The following VAC14 variants were observed in gnomAD, a reference collection of about 807,000 sequenced individuals.
VAC14 encodes the protein VAC14 component of PIKFYVE complex.
Under a neutral mutation model 85.3 loss-of-function variants are expected in VAC14, and 47 were observed. That is an observed-to-expected ratio of 0.55 (90% CI 0.44 to 0.70). The LOEUF is 0.70. VAC14 is among the 30% of genes least tolerant of loss of function. The pLI is 0.00. For synonymous variants in VAC14, 447 were observed against 430.5 expected, an observed-to-expected ratio of 1.04 and a Z score of -0.47; for missense variants, 861 against 1,004.3, an observed-to-expected ratio of 0.86 and a Z score of 1.93.
intron 16 of VAC14, among the ~76,000 whole-genome samples, chr16:70,696,336 G>C (rs571151960): frequency 6.6e-6 from 1 of 152,098 alleles, no homozygotes; most frequent in African/African-American, 2.4e-5. Flanking sequence ...AACATGGTGA[G>C]ACCCTGTCTC....
At chr16:70,766,728 GA>G (rs2032844845) in intron 10 of VAC14, among the ~76,000 whole-genome samples, 6 of 152,166 alleles carry the variant, frequency 3.9e-5, no homozygotes, top group Admixed American at 3.9e-4. Flanking sequence ...GAAGCAGGTG[GA>G]CCCTAGAGGA....
At chr16:70,779,572 G>A (rs1267469361) in intron 9 of VAC14, among the ~76,000 whole-genome samples, 1 of 152,154 alleles carries the variant, frequency 6.6e-6, no homozygotes, top group African/African-American at 2.4e-5. Context: ...GGAGCACAAG[G>A]ACTTTGTCTG....
chr16:70,786,002 CT>C, intron 2 of VAC14, 133 bp from the exon 3 acceptor site: 1 of 1,328,294 alleles, frequency 7.5e-7, no homozygotes, highest in Non-Finnish European at 1.0e-6. Flanking sequence ...CTCAAAGACC[CT>C]TCCCAAGCCT....
In VAC14 at chr16:70,744,594, G is replaced by A. The variant is rs750238198; in HGVS notation, c.1372-15C>T. 18 of 1,573,506 alleles carry A rather than the reference G, an allele frequency of 1.1e-5. No homozygotes were observed. The highest frequency in any genetic ancestry group is 5.4e-5 in the African/African-American group (4 of 73,788). On this transcript the variant is annotated splice_polypyrimidine_tract_variant and intron_variant, in intron 12 of 18. Coordinates refer to ENST00000261776, the MANE Select transcript of VAC14 (RefSeq NM_018052.5). The stretch of plus-strand genomic sequence containing the variant: ...TTCAGGATCACCTGGGGAGAGAAGC[G>A]GGGCAGGAGGGATGAGCTCTCCGCT...
intron 17 of VAC14, among the ~76,000 whole-genome samples, chr16:70,693,809 G>A (rs1446253259): frequency 6.6e-6 from 1 of 152,198 alleles, no homozygotes; most frequent in African/African-American, 2.4e-5. Flanking sequence ...GTTTGTGGAG[G>A]ATATGCCATG....
intron 14 of VAC14, 53 bp from the exon 15 acceptor site, chr16:70,698,864 T>G: frequency 6.3e-7 from 1 of 1,591,352 alleles, no homozygotes; most frequent in South Asian, 1.1e-5. Context: ...GAAGGCTCTG[T>G]GTCTCAGCCT....
chr16:70,706,596 C>G (rs1406380265), intron 14 of VAC14, among the ~76,000 whole-genome samples: 1 of 152,252 alleles, frequency 6.6e-6, no homozygotes, highest in African/African-American at 2.4e-5. Context: ...ACTGCAACCT[C>G]TGCCTCCCGG....
intron 14 of VAC14, among the ~76,000 whole-genome samples, chr16:70,718,138 A>G (rs748455307): frequency 9.2e-5 from 14 of 152,220 alleles, no homozygotes; most frequent in Non-Finnish European, 1.8e-4. Flanking sequence ...ACAGTTATCT[A>G]CTAGTTGCTT....
chr16:70,691,965 TAG>T (rs2053605480), intron 18 of VAC14: 1 of 985,070 alleles, frequency 1.0e-6, no homozygotes, highest in Admixed American at 6.2e-5. Flanking sequence ...GAGGGAATTC[TAG>T]ACACACAGGG....
intron 16 of VAC14, 26 bp from the exon 17 acceptor site, chr16:70,695,649 G>A (rs2053691182): frequency 6.2e-7 from 1 of 1,608,454 alleles, no homozygotes; most frequent in Admixed American, 1.7e-5. Context: ...AGGAAAGTCT[G>A]TCTGCTGGGC....
chr16:70,742,531 G>A (rs1474361513), intron 13 of VAC14, among the ~76,000 whole-genome samples: 1 of 152,240 alleles, frequency 6.6e-6, no homozygotes. Flanking sequence ...AGTCCCAGCA[G>A]GGGTCCCAGG....
At chr16:70,708,605 T>C (rs2053967710) in intron 14 of VAC14, among the ~76,000 whole-genome samples, 1 of 152,232 alleles carries the variant, frequency 6.6e-6, no homozygotes, top group African/African-American at 2.4e-5. Flanking sequence ...CTGCGCCTTC[T>C]ATCCCACATA....
chr16:70,723,471 T>G (rs954570933), intron 14 of VAC14, among the ~76,000 whole-genome samples: 1 of 152,044 alleles, frequency 6.6e-6, no homozygotes, highest in Non-Finnish European at 1.5e-5. Flanking sequence ...TCTCAAAAAA[T>G]AAATAAATGA....
intron 10 of VAC14, among the ~76,000 whole-genome samples, chr16:70,765,543 G>A (rs993210034): frequency 1.3e-5 from 2 of 152,222 alleles, no homozygotes; most frequent in African/African-American, 2.4e-5. Flanking sequence ...GGGGAAGAGG[G>A]AACTGAAGCA....
At chr16:70,768,959 C>T (rs1279168909) in intron 10 of VAC14, 2 of 278,266 alleles carry the variant, frequency 7.2e-6, no homozygotes, top group Admixed American at 9.9e-5. Flanking sequence ...TGCCACCACG[C>T]CTGGCTATTT....
chr16:70,789,502 C>G (rs1228643850), intron 1 of VAC14, among the ~76,000 whole-genome samples: 1 of 152,216 alleles, frequency 6.6e-6, no homozygotes, highest in Admixed American at 6.5e-5. Context: ...CTGCTCACAT[C>G]TGGGGCATTG....
chr16:70,737,758 A>G (rs1362804611), intron 13 of VAC14, among the ~76,000 whole-genome samples: 1 of 152,172 alleles, frequency 6.6e-6, no homozygotes, highest in Non-Finnish European at 1.5e-5. Context: ...GATGTTTTGG[A>G]TTGAGTTTTG....
chr16:70,759,642 A>AAAAAC (rs376170801), intron 12 of VAC14, among the ~76,000 whole-genome samples: 30 of 152,232 alleles, frequency 2.0e-4, no homozygotes, highest in African/African-American at 4.6e-4. Context: ...ACAAACAAAC[A>AAAAAC]AAAACAAAAA....
At chr16:70,753,829 G>A (rs951859128) in intron 12 of VAC14, among the ~76,000 whole-genome samples, 2 of 152,184 alleles carry the variant, frequency 1.3e-5, no homozygotes, top group Admixed American at 6.5e-5. Flanking sequence ...AGTCCTGCAG[G>A]CAACTCGCCC....
Sources: gnomAD v4.1 joint callset for allele counts (sites outside exome capture counted in the v4.1 genomes callset) on GRCh38, gnomAD v4.1.1 for gene constraint, MANE v1.5 for transcripts, NCBI Gene and HGNC (gene_info 2026-07-23, HGNC 2026-07-21) for gene names.